PHYHIPL: variants seen among roughly 807,000 people sequenced by gnomAD.
PHYHIPL encodes the protein phytanoyl-CoA 2-hydroxylase interacting protein like, also known as phytanoyl-CoA hydroxylase-interacting protein-like.
In PHYHIPL, 9 loss-of-function variants were observed where a neutral mutation model predicts 33.4. The observed-to-expected ratio is 0.27, with a 90% CI of 0.16 to 0.47. The LOEUF (loss-of-function observed/expected upper bound fraction) is 0.47. PHYHIPL is among the 20% of genes least tolerant of loss of function. The pLI is 0.99. For synonymous variants in PHYHIPL, 153 were observed against 154.1 expected (o/e 0.99, Z 0.05); for missense variants, 365 against 460.7 (o/e 0.79, Z 1.90).
At chr10:59,193,521 C>A (rs972923447) in intron 1 of PHYHIPL, among the ~76,000 whole-genome samples, 1 of 152,124 alleles carries the variant, frequency 6.6e-6, no homozygotes, top group South Asian at 2.1e-4. Flanking sequence ...TCAAATTGAA[C>A]ACATATGTCC....
chr10:59,178,134 T>TTA (rs1431726156), intron 1 of PHYHIPL, among the ~76,000 whole-genome samples: 6 of 152,094 alleles, frequency 3.9e-5, no homozygotes, highest in African/African-American at 1.4e-4. Flanking sequence ...TTCAGCACGT[T>TTA]TATATCAAGC....
chr10:59,194,083 T>G (rs1001070470), intron 1 of PHYHIPL, among the ~76,000 whole-genome samples: 25 of 146,818 alleles, frequency 1.7e-4, no homozygotes, highest in Admixed American at 1.4e-3. Flanking sequence ...CCTATATGTT[T>G]TTTTTTTTTT....
intron 1 of PHYHIPL, among the ~76,000 whole-genome samples, chr10:59,222,462 G>A (rs1258280274): frequency 6.6e-6 from 1 of 151,828 alleles, no homozygotes; most frequent in Non-Finnish European, 1.5e-5. Flanking sequence ...CACCAAGCAG[G>A]GTGGCAAGCT....
At position 59,193,435 on chromosome 10, in the gene PHYHIPL, T is replaced by G. The variant is rs905630909; in HGVS notation, c.106+16476T>G. ...CATAAAATAAATGAACTGGTGGAACTCAAATTAGCAGAAAAACAGTGACAG... is the reference window on the plus strand; with the variant it reads ...CATAAAATAAATGAACTGGTGGAACGCAAATTAGCAGAAAAACAGTGACAG... On this transcript the variant is annotated intron_variant, in intron 1 of 4. Coordinates refer to ENST00000373880, the MANE Select transcript of PHYHIPL (RefSeq NM_032439.4). Among the ~76,000 whole-genome samples, 7 of 152,222 alleles carry G rather than the reference T, an allele frequency of 4.6e-5. No individual in the cohort carries two copies. The East Asian group carries it at 1.2e-3, about 25-fold the overall frequency.
intron 1 of PHYHIPL, among the ~76,000 whole-genome samples, chr10:59,227,850 A>G (rs891176496): frequency 6.6e-6 from 1 of 151,988 alleles, no homozygotes; most frequent in African/African-American, 2.4e-5. Context: ...TAAAACATTT[A>G]TTGCTTCATG....
At chr10:59,178,588 G>A (rs1175220952) in intron 1 of PHYHIPL, among the ~76,000 whole-genome samples, 1 of 152,068 alleles carries the variant, frequency 6.6e-6, no homozygotes, top group Non-Finnish European at 1.5e-5. Flanking sequence ...TTTATTTATT[G>A]CAATGATAAA....
At chr10:59,194,309 T>C (rs994815119) in intron 1 of PHYHIPL, among the ~76,000 whole-genome samples, 2 of 152,152 alleles carry the variant, frequency 1.3e-5, no homozygotes, top group Admixed American at 1.3e-4. Flanking sequence ...CACCATTGAA[T>C]GTTTTCCTTT....
intron 1 of PHYHIPL, among the ~76,000 whole-genome samples, chr10:59,208,357 A>G (rs1367178262): frequency 1.3e-5 from 2 of 152,196 alleles, no homozygotes; most frequent in Non-Finnish European, 2.9e-5. Context: ...GAAAACTAAC[A>G]AACAGAAAGG....
intron 1 of PHYHIPL, among the ~76,000 whole-genome samples, chr10:59,208,792 A>G (rs192782383): frequency 3.9e-5 from 6 of 152,194 alleles, no homozygotes; most frequent in South Asian, 2.1e-4. Context: ...ACAAGTATCA[A>G]TAGCCGAATT....
chr10:59,234,624 A>G, intron 2 of PHYHIPL, 124 bp downstream of exon 2: 1 of 594,480 alleles, frequency 1.7e-6, no homozygotes, highest in Non-Finnish European at 2.7e-6. Context: ...GGGAAAAAAT[A>G]AAGATTATAT....
At chr10:59,231,030 G>A (rs2133279222) in intron 1 of PHYHIPL, among the ~76,000 whole-genome samples, 1 of 151,976 alleles carries the variant, frequency 6.6e-6, no homozygotes, top group South Asian at 2.1e-4. Context: ...GGCAGTAAAG[G>A]GTTAAATAAG....
Position 59,245,430 on chromosome 10 carries a change from C to T in PHYHIPL, c.970C>T (p.His324Tyr). 1 of 1,614,108 alleles carries T rather than the reference C, an allele frequency of 6.2e-7. No homozygotes were observed. Among genetic ancestry groups the T allele is most frequent in the Non-Finnish European group, 8.5e-7 (1 of 1,180,026 alleles). Residue 324 changes from histidine (H) to tyrosine (Y), a missense_variant, in exon 5 of 5, where the codon CAT (histidine) becomes TAT (tyrosine). His to Tyr is a moderately conservative substitution (Grantham distance 83). This residue lies in a region of PHYHIPL where 196 missense variants were observed against 224.9 expected (regional missense o/e 0.87). Transcript: ENST00000373880. ...TEEDGVLVYH[H>Y]AQDVILEVIY... ...AGAAGATGGGGTGCTGGTTTACCAC[C>T]ATGCCCAGGATGTCATTTTAGAAGT...
At chr10:59,199,135 C>T (rs1839018428) in intron 1 of PHYHIPL, among the ~76,000 whole-genome samples, 1 of 152,134 alleles carries the variant, frequency 6.6e-6, no homozygotes, top group Non-Finnish European at 1.5e-5. Context: ...CTTGCCCATG[C>T]CTATGTCCTG....
chr10:59,246,210 A>G lies in PHYHIPL; in HGVS notation c.*619A>G, dbSNP rs1381078648. On this transcript the variant is annotated 3_prime_UTR_variant, in exon 5 of 5. Coordinates refer to ENST00000373880, the MANE Select transcript of PHYHIPL (RefSeq NM_032439.4). The stretch of plus-strand genomic sequence containing the variant: ...ATAGAATATATAGAGTTACATTTTA[A>G]TAGCAACTGTGTACATGTCACGAAA... 1 of 153,576 alleles carries G rather than the reference A, an allele frequency of 6.5e-6. No homozygotes were observed. The highest frequency in any genetic ancestry group is 1.5e-5 in the Non-Finnish European group (1 of 68,722). The allele number at this position is 153,576 out of a possible 1,614,324, so 9.5% of individuals were successfully genotyped here.
At chr10:59,231,926 G>A (rs1360481504) in intron 1 of PHYHIPL, among the ~76,000 whole-genome samples, 9 of 152,004 alleles carry the variant, frequency 5.9e-5, no homozygotes, top group African/African-American at 2.2e-4. Context: ...AAATTAAAAT[G>A]TACCTCCACC....
chr10:59,228,929 T>C (rs1840000447), intron 1 of PHYHIPL, among the ~76,000 whole-genome samples: 1 of 152,100 alleles, frequency 6.6e-6, no homozygotes, highest in African/African-American at 2.4e-5. Flanking sequence ...AGAAGAAAAA[T>C]TATTCATTGT....
chr10:59,173,931 T>G (rs951089424), upstream of PHYHIPL, among the ~76,000 whole-genome samples: 1 of 93,846 alleles, frequency 1.1e-5, no homozygotes, highest in Non-Finnish European at 2.0e-5. Context: ...GTTTTTTTTT[T>G]TTTTTTTTTT....
intron 1 of PHYHIPL, among the ~76,000 whole-genome samples, chr10:59,178,154 ATTTG>A (rs1198406674): frequency 1.8e-4 from 27 of 152,048 alleles, no homozygotes; most frequent in Non-Finnish European, 2.5e-4. Context: ...CAAGCACCGA[ATTTG>A]TTTATTACTA....
intron 1 of PHYHIPL, among the ~76,000 whole-genome samples, chr10:59,224,726 A>T (rs2133265683): frequency 6.6e-6 from 1 of 152,262 alleles, no homozygotes. Flanking sequence ...TTGATGTTAA[A>T]ATATAATTTT....
Sources: gnomAD v4.1 joint callset for allele counts (sites outside exome capture counted in the v4.1 genomes callset) on GRCh38, gnomAD v4.1.1 for gene constraint, gnomAD v4.1.1 regional missense constraint, MANE v1.5 for transcripts, NCBI Gene and HGNC (gene_info 2026-07-23, HGNC 2026-07-21) for gene names.